Variants in PECAM1 observed in about 807,000 individuals in gnomAD.
PECAM1 encodes platelet and endothelial cell adhesion molecule 1.
In PECAM1, 8 loss-of-function variants were observed where a neutral mutation model predicts 13.8. That is an observed-to-expected ratio of 0.58 (90% CI 0.34 to 1.05). The LOEUF is 1.05. PECAM1 is among the 50% of genes least tolerant of loss of function. The pLI is 0.03. For missense variants in PECAM1, 304 were observed against 141.2 expected, an observed-to-expected ratio of 2.15 and a Z score of -5.84; for synonymous variants, 136 against 52.6, an observed-to-expected ratio of 2.58 and a Z score of -6.86.
At chr17:64,341,300 A>G (rs948818697) in intron 14 of PECAM1, among the ~76,000 whole-genome samples, 2 of 152,028 alleles carry the variant, frequency 1.3e-5, no homozygotes, top group African/African-American at 4.8e-5. Flanking sequence ...ACAAGAAGAA[A>G]GGCTGAAGCT....
At chr17:64,345,113 A>G (rs1013671153) in intron 13 of PECAM1, among the ~76,000 whole-genome samples, 6 of 152,042 alleles carry the variant, frequency 3.9e-5, no homozygotes, top group African/African-American at 1.4e-4. Context: ...CTGCCTCCCA[A>G]AGTGCTGGGA....
intron 14 of PECAM1, among the ~76,000 whole-genome samples, chr17:64,339,245 C>T (rs1261717160): frequency 6.6e-6 from 1 of 152,112 alleles, no homozygotes; most frequent in Non-Finnish European, 1.5e-5. Flanking sequence ...TGATCAAGAG[C>T]GTGGAGTCCA....
intron 14 of PECAM1, among the ~76,000 whole-genome samples, chr17:64,335,283 G>A (rs1049693037): frequency 5.3e-5 from 8 of 152,006 alleles, no homozygotes; most frequent in Non-Finnish European, 1.0e-4. Context: ...GTTTAAAGTA[G>A]ATAGGATCTA....
chr17:64,361,300 C>T (rs1393455257), intron 6 of PECAM1, among the ~76,000 whole-genome samples: 5 of 152,020 alleles, frequency 3.3e-5, no homozygotes, highest in Non-Finnish European at 5.9e-5. Flanking sequence ...CATGTGCCAC[C>T]ACACCCGGCT....
chr17:64,323,033 A>G lies in PECAM1; in HGVS notation c.*783T>C. ...GGCAAGGAATACATTTTTAAAAATT[A>G]GTAAGAAACATACACATTTCAAGTT... is the stretch of plus-strand genomic sequence containing the variant. On this transcript the variant is annotated 3_prime_UTR_variant, in exon 16 of 16. Coordinates refer to ENST00000563924, the MANE Select transcript of PECAM1 (RefSeq NM_000442.5). 2 of 984,540 alleles carry G rather than the reference A, an allele frequency of 2.0e-6. No individual in the cohort carries two copies. Among genetic ancestry groups the G allele is most frequent in the Non-Finnish European group, 2.4e-6 (2 of 829,084 alleles). 61.0% of individuals were successfully genotyped at this position (984,540 alleles called of 1,614,324 possible).
chr17:64,336,109 C>CA (rs1176125087), intron 14 of PECAM1, among the ~76,000 whole-genome samples: 2 of 151,226 alleles, frequency 1.3e-5, no homozygotes, highest in South Asian at 2.1e-4. Flanking sequence ...ACTAAAAATA[C>CA]AAAAAAAATT....
At chr17:64,326,134 C>G (rs1555645647) in intron 15 of PECAM1, among the ~76,000 whole-genome samples, 1 of 152,144 alleles carries the variant, frequency 6.6e-6, no homozygotes, top group Non-Finnish European at 1.5e-5. Context: ...AGAGCAGGGC[C>G]TGCTGGGAGA....
chr17:64,368,479 A>T (rs1253835374), intron 5 of PECAM1, among the ~76,000 whole-genome samples: 1 of 152,140 alleles, frequency 6.6e-6, no homozygotes, highest in Non-Finnish European at 1.5e-5. Flanking sequence ...CTAACCTCAC[A>T]GTCTCAGTTT....
In PECAM1 at chr17:64,379,970, A is replaced by G. The variant is rs1166756807; in HGVS notation, c.92-1853T>C. 6.6e-5 allele frequency among the ~76,000 whole-genome samples: 10 copies of G among 151,560 alleles called. No individual in the cohort carries two copies. In the East Asian group the frequency reaches 1.9e-3, roughly 29 times the overall value. On this transcript the variant is annotated intron_variant, in intron 2 of 15. Transcript: ENST00000563924. ...AGCCTGGGAGGTCGAGGCTGAAGTG[A>G]GCCATGATCATGCCAGTGCACTCCA...
Position 64,321,589 on chromosome 17 carries a change from C to A in PECAM1, c.*2227G>T. On this transcript the variant is annotated 3_prime_UTR_variant, in exon 16 of 16. Transcript: ENST00000563924. ...CCTGGGCACCATGGTGAAACCTCAT[C>A]TCTGCAAAAAAAAAATTAAAAATTA... 1 of 484,402 alleles carries A rather than the reference C, an allele frequency of 2.1e-6. No homozygotes were observed. The highest frequency in any genetic ancestry group is 2.8e-6 in the Non-Finnish European group (1 of 353,254). The allele number at this position is 484,402 out of a possible 1,614,324, so 30.0% of individuals were successfully genotyped here. A position where few individuals can be genotyped will look rare whatever the true frequency, so the allele number is the denominator to read the frequency against.
At chr17:64,342,476 G>C (rs2035458912) in intron 13 of PECAM1, among the ~76,000 whole-genome samples, 1 of 152,172 alleles carries the variant, frequency 6.6e-6, no homozygotes, top group African/African-American at 2.4e-5. Flanking sequence ...TAGAGCCTGG[G>C]GGTTGTCAGT....
In PECAM1 at chr17:64,321,929, A is replaced by G; in HGVS notation, c.*1887T>C. On this transcript the variant is annotated 3_prime_UTR_variant, in exon 16 of 16. Coordinates refer to ENST00000563924, the MANE Select transcript of PECAM1 (RefSeq NM_000442.5). ...CTGGCTGTCCCCAGATCATCAACAG[A>G]GACATGAAGGTCGTTAGAGGTCGTC... The G allele has an allele frequency of 7.5e-7, 1 of 1,332,124 alleles. No homozygotes were observed. The highest frequency in any genetic ancestry group is 4.7e-5 in the East Asian group (1 of 21,282). 82.5% of individuals were successfully genotyped at this position (1,332,124 alleles called of 1,614,324 possible). A position where few individuals can be genotyped will look rare whatever the true frequency, so the allele number is the denominator to read the frequency against.
chr17:64,352,345 A>G (rs2035745145), intron 11 of PECAM1, 45 bp downstream of exon 11: 2 of 472,112 alleles, frequency 4.2e-6, no homozygotes, highest in Non-Finnish European at 7.8e-6. Context: ...GGAAGTATGT[A>G]GCAAGTTGGG....
chr17:64,362,853 A>G (rs899834953), intron 6 of PECAM1, among the ~76,000 whole-genome samples: 6 of 151,398 alleles, frequency 4.0e-5, no homozygotes, highest in Middle Eastern at 6.8e-3. Context: ...AAAAAAAAAG[A>G]AAAGTTTAAC....
chr17:64,338,239 ATTTTTT>A (rs149206249), intron 14 of PECAM1, among the ~76,000 whole-genome samples: 1 of 108,814 alleles, frequency 9.2e-6, no homozygotes, highest in Non-Finnish European at 1.9e-5. Flanking sequence ...ATTTTTTAAA[ATTTTTT>A]TTTTTTTTTT....
intron 7 of PECAM1, 33 bp from the exon 8 acceptor site, chr17:64,356,431 A>G: frequency 2.3e-6 from 1 of 442,700 alleles, no homozygotes; most frequent in Non-Finnish European, 4.1e-6. Flanking sequence ...ACACTGAGCA[A>G]AGAAGGGCAG....
intron 2 of PECAM1, among the ~76,000 whole-genome samples, chr17:64,387,303 G>C (rs1422331353): frequency 1.3e-5 from 2 of 152,184 alleles, no homozygotes; most frequent in African/African-American, 2.4e-5. Flanking sequence ...CCTGAGGCCA[G>C]GCTGCTGGGA....
chr17:64,321,835 C>T lies in PECAM1; in HGVS notation c.*1981G>A, dbSNP rs782179173. 3 of 1,348,854 alleles carry T rather than the reference C, an allele frequency of 2.2e-6. No homozygotes were observed. The highest frequency in any genetic ancestry group is 1.1e-5 in the South Asian group (1 of 87,972). 83.6% of individuals were successfully genotyped at this position (1,348,854 alleles called of 1,614,324 possible). ...ACCAGGAGTAGGAATAGGGTCTTTGCAGCTCCCGTGGCAATTGCCCTTCTC... is the reference window on the plus strand; with the variant it reads ...ACCAGGAGTAGGAATAGGGTCTTTGTAGCTCCCGTGGCAATTGCCCTTCTC... On this transcript the variant is annotated 3_prime_UTR_variant, in exon 16 of 16. Transcript: ENST00000563924.
At position 64,323,740 on chromosome 17, in the gene PECAM1, G is replaced by T; in HGVS notation, c.*76C>A. On this transcript the variant is annotated 3_prime_UTR_variant, in exon 16 of 16. Transcript: ENST00000563924. ...CAGGTTCATAAATAAGTGCACAGAG[G>T]TCTTGAAATACAGGGATTATCTGTT... is the stretch of plus-strand genomic sequence containing the variant. 1 of 1,353,016 alleles carries T rather than the reference G, an allele frequency of 7.4e-7. No homozygotes were observed. Among genetic ancestry groups the T allele is most frequent in the Non-Finnish European group, 1.1e-6 (1 of 945,558 alleles). 83.8% of individuals were successfully genotyped at this position (1,353,016 alleles called of 1,614,324 possible).
Sources: gnomAD v4.1 joint callset for allele counts (sites outside exome capture counted in the v4.1 genomes callset) on GRCh38, gnomAD v4.1.1 for gene constraint, MANE v1.5 for transcripts, NCBI Gene and HGNC (gene_info 2026-07-23, HGNC 2026-07-21) for gene names.